Variants in UPK3B observed in about 807,000 individuals in gnomAD.
The protein encoded by UPK3B is uroplakin-3b.
UPK3B carries 21 observed loss-of-function variants against 27.6 expected under a neutral mutation model. The observed-to-expected ratio is 0.76, with a 90% CI of 0.54 to 1.10. The LOEUF (loss-of-function observed/expected upper bound fraction) is 1.10, where lower values mean the gene tolerates loss of function less well. Among genes scored for constraint, UPK3B ranks in the 50% least tolerant of loss-of-function variants. The probability of loss-of-function intolerance (pLI) is 0.00; values close to 1 mark genes in which losing one functional copy is unlikely to be tolerated. For missense variants in UPK3B, 306 were observed against 376.1 expected, an observed-to-expected ratio of 0.81 and a Z score of 1.54; for synonymous variants, 141 against 162.3, an observed-to-expected ratio of 0.87 and a Z score of 1.00.
At position 76,511,678 on chromosome 7, in the gene UPK3B, C is replaced by G. The variant is rs373543744; in HGVS notation, c.257C>G (p.Pro86Arg). 4 of 1,601,158 alleles carry G rather than the reference C, an allele frequency of 2.5e-6. No homozygotes were observed. Among genetic ancestry groups the G allele is most frequent in the East Asian group, 2.2e-5 (1 of 44,492 alleles). ...GCAGCCTCCAGGGGCTTCCAGAACC[C>G]GGAGACACTGGCTGACATTCCGGCC... Reference protein sequence around the residue: ...FSNASRGFQNPETLADIPASP... With the variant: ...FSNASRGFQNRETLADIPASP... The change falls in exon 3 of 6, where the codon CCG becomes CGG. Residue 86 changes from proline (P) to arginine (R), a missense_variant. Physicochemically the swap from Pro to Arg is moderately radical, Grantham distance 103 (BLOSUM62 -2). Transcript: ENST00000334348.
rs1263057422 is a variant in UPK3B at position 76,516,173 on chromosome 7, C to A, written c.*969C>A. On this transcript the variant is annotated 3_prime_UTR_variant, in exon 6 of 6. Transcript: ENST00000334348. The stretch of plus-strand genomic sequence containing the variant: ...GCATGCTCGCTGCTATTCGCTGCCC[C>A]TTCTGCCTCCGAGGCGGTAGCAGAT... The A allele has an allele frequency of 2.8e-5, 17 of 611,936 alleles. 6 individuals carry two copies. The highest frequency in any genetic ancestry group is 2.8e-5 in the Non-Finnish European group (15 of 529,938). The allele number at this position is 611,936 out of a possible 1,614,324, so 37.9% of individuals were successfully genotyped here.
At chr7:76,513,806 G>A in intron 4 of UPK3B, 141 bp from the exon 5 acceptor site, 3 of 1,238,630 alleles carry the variant, frequency 2.4e-6, no homozygotes, top group Admixed American at 4.1e-5. Context: ...GACGGGGGGT[G>A]GGATCAGGGG....
At chr7:76,510,764 T>C (rs1411804492) in intron 1 of UPK3B, 27 bp downstream of exon 1, 2 of 1,562,396 alleles carry the variant, frequency 1.3e-6, no homozygotes, top group East Asian at 4.5e-5. Context: ...GATGGACGCG[T>C]CCAGCCAGAC....
rs762261206 is a variant in UPK3B, at chr7:76,514,009, A to G, written c.604A>G (p.Thr202Ala). The change falls in exon 5 of 6, where the codon ACC (threonine) becomes GCC (alanine). Residue 202 changes from threonine to alanine, a missense_variant. Thr to Ala is a moderately conservative substitution (Grantham distance 58). Coordinates refer to ENST00000334348, the MANE Select transcript of UPK3B (RefSeq NM_001347684.2). Reference sequence around the variant, plus strand: ...GCGAAGTGGCAGCATGATCGTCATTACCTCCATCCTCTCTTCTCTGGCCGG... The same window carrying G: ...GCGAAGTGGCAGCATGATCGTCATTGCCTCCATCCTCTCTTCTCTGGCCGG... Reference protein sequence around the residue: ...GRRSGSMIVITSILSSLAGLL... With the variant: ...GRRSGSMIVIASILSSLAGLL... The G allele has an allele frequency of 2.5e-6, 4 of 1,613,458 alleles. No homozygotes were observed. The highest frequency in any genetic ancestry group is 2.7e-5 in the African/African-American group (2 of 74,796).
At position 76,511,675 on chromosome 7, in the gene UPK3B, A is replaced by AC; in HGVS notation, c.257dup (p.Glu87GlyfsTer5). The AC allele has an allele frequency of 6.3e-7, 1 of 1,597,892 alleles. No individual in the cohort carries two copies. Among genetic ancestry groups the AC allele is most frequent in the Non-Finnish European group, 8.5e-7 (1 of 1,172,668 alleles). On this transcript the variant is annotated frameshift_variant, in exon 3 of 6. Coordinates refer to ENST00000334348, the MANE Select transcript of UPK3B (RefSeq NM_001347684.2). LOFTEE classifies it high-confidence loss of function. Reference sequence around the variant, plus strand: ...CCTGCAGCCTCCAGGGGCTTCCAGAACCCGGAGACACTGGCTGACATTCCG... The same window carrying AC: ...CCTGCAGCCTCCAGGGGCTTCCAGAACCCCGGAGACACTGGCTGACATTCCG...
Position 76,514,167 on chromosome 7 carries a change from TG to T in UPK3B, c.671+95del, listed in dbSNP as rs1812646975. On this transcript the variant is annotated intron_variant, in intron 5 of 5. Transcript: ENST00000334348. ...GTCTGGAAGCCCTCCAGGCATGCCA[TG>T]GGGTTTATTTTATTTTTGGTAGAGA... is the stretch of plus-strand genomic sequence containing the variant. 3.2e-6 allele frequency: 5 copies of T among 1,580,152 alleles called. No homozygotes were observed. The African/African-American group carries it at 6.7e-5, about 21-fold the overall frequency.
chr7:76,513,244 T>G, intron 4 of UPK3B, 81 bp downstream of exon 4: 1 of 1,329,010 alleles, frequency 7.5e-7, no homozygotes, highest in South Asian at 1.2e-5. Context: ...GCCACACCCC[T>G]GCTCCCACAG....
chr7:76,513,578 G>A (rs777003076), intron 4 of UPK3B, among the ~76,000 whole-genome samples: 46 of 152,134 alleles, frequency 3.0e-4, no homozygotes, highest in Non-Finnish European at 5.7e-4. Context: ...CGAGTGCCAC[G>A]GCCCAGGTGT....
rs1357711589 is a variant in UPK3B, at chr7:76,515,028, C to T, written c.672-17C>T. ...TGGCAGGGACATATGTCTCTTCCTC[C>T]TCCTCTCCCCGCCCAGCTCCAGCCT... On this transcript the variant is annotated splice_polypyrimidine_tract_variant and intron_variant, in intron 5 of 5. Transcript: ENST00000334348. 2 of 1,559,174 alleles carry T rather than the reference C, an allele frequency of 1.3e-6. No individual in the cohort carries two copies. Among genetic ancestry groups the T allele is most frequent in the Non-Finnish European group, 1.7e-6 (2 of 1,152,012 alleles).
intron 5 of UPK3B, among the ~76,000 whole-genome samples, chr7:76,514,300 C>T (rs1485571235): frequency 2.6e-5 from 4 of 152,162 alleles, no homozygotes; most frequent in African/African-American, 4.8e-5. Flanking sequence ...GCCACCTTGC[C>T]GAGCCCCGTG....
chr7:76,514,641 C>T (rs1812664143), intron 5 of UPK3B, among the ~76,000 whole-genome samples: 1 of 152,114 alleles, frequency 6.6e-6, no homozygotes, highest in African/African-American at 2.4e-5. Flanking sequence ...TGCAGTGGCA[C>T]ATGCCTGTAA....
rs2116676114 is a variant in UPK3B at position 76,511,572 on chromosome 7, G to T, written c.236-85G>T. On this transcript the variant is annotated intron_variant, in intron 2 of 5. Coordinates refer to ENST00000334348, the MANE Select transcript of UPK3B (RefSeq NM_001347684.2). ...GAGGTGGCATGGGGGGTCAGGGCTG[G>T]AGACTGGGCGAACACAGAACCCCCA... is the stretch of plus-strand genomic sequence containing the variant. The T allele has an allele frequency of 2.2e-6, 3 of 1,371,648 alleles. No homozygotes were observed. In the East Asian group the frequency reaches 7.4e-5, roughly 34 times the overall value. 85.0% of individuals were successfully genotyped at this position (1,371,648 alleles called of 1,614,324 possible). A position where few individuals can be genotyped will look rare whatever the true frequency, so the allele number is the denominator to read the frequency against.
intron 4 of UPK3B, 134 bp downstream of exon 4, chr7:76,513,297 C>T: frequency 1.2e-6 from 1 of 822,404 alleles, no homozygotes; most frequent in Non-Finnish European, 1.9e-6. Context: ...GCCCAGCCCC[C>T]AACAGAACCT....
intron 5 of UPK3B, 144 bp downstream of exon 5, chr7:76,514,220 G>A (rs1450857887): frequency 7.6e-6 from 10 of 1,314,960 alleles, no homozygotes; most frequent in Non-Finnish European, 1.1e-5. Flanking sequence ...TGCCCAGGCT[G>A]GTCTGGAACT....
Position 76,511,711 on chromosome 7 carries a change from A to C in UPK3B, c.290A>C (p.Gln97Pro). Reference sequence around the variant, plus strand: ...CTGGCTGACATTCCGGCCTCCCCACAGCTGCTGACCGATGGCCACTACATG... The same window carrying C: ...CTGGCTGACATTCCGGCCTCCCCACCGCTGCTGACCGATGGCCACTACATG... Reference protein sequence around the residue: ...ETLADIPASPQLLTDGHYMTL... With the variant: ...ETLADIPASPPLLTDGHYMTL... Residue 97 changes from glutamine (Q) to proline (P), a missense_variant, in exon 3 of 6, where the codon CAG becomes CCG. Transcript: ENST00000334348. 1 of 1,610,784 alleles carries C rather than the reference A, an allele frequency of 6.2e-7. No homozygotes were observed. Among genetic ancestry groups the C allele is most frequent in the Non-Finnish European group, 8.5e-7 (1 of 1,178,966 alleles).
Position 76,515,163 on chromosome 7 carries a change from T to C in UPK3B, c.790T>C (p.Cys264Arg). The C allele has an allele frequency of 6.3e-7, 1 of 1,597,094 alleles. No homozygotes were observed. The highest frequency in any genetic ancestry group is 8.5e-7 in the Non-Finnish European group (1 of 1,172,496). The change falls in exon 6 of 6, where the codon TGC (cysteine) becomes CGC (arginine). Residue 264 changes from cysteine (C) to arginine (R), a missense_variant. Cys to Arg is a radical substitution (Grantham distance 180, BLOSUM62 -3). This residue lies in a region of UPK3B where 174 missense variants were observed against 166.6 expected (regional missense o/e 1.04). Transcript: ENST00000334348. ...PREAATLPVG[C>R]KPGLDPLPSL... is the part of the protein sequence containing the mutation. ...AGAGGCCGCCACACTGCCGGTGGGC[T>C]GCAAGCCTGGCCTGGACCCCCTCCC...
In UPK3B at chr7:76,515,209, G is replaced by T. The variant is rs776832635; in HGVS notation, c.*5G>T. 1.8e-5 allele frequency: 28 copies of T among 1,592,774 alleles called. No individual in the cohort carries two copies. In the African/African-American group the frequency reaches 3.6e-4, roughly 21 times the overall value. Reference sequence around the variant, plus strand: ...CTCCCCAGCCTCAGCCCCTAGCCTGGCCTCTTTGCATGGGGCTGGGGGAGA... The same window carrying T: ...CTCCCCAGCCTCAGCCCCTAGCCTGTCCTCTTTGCATGGGGCTGGGGGAGA... On this transcript the variant is annotated 3_prime_UTR_variant, in exon 6 of 6. Coordinates refer to ENST00000334348, the MANE Select transcript of UPK3B (RefSeq NM_001347684.2).
rs1812643070 is a variant in UPK3B, at chr7:76,514,092, C to T, written c.671+16C>T. 1 of 1,613,972 alleles carries T rather than the reference C, an allele frequency of 6.2e-7. No homozygotes were observed. The highest frequency in any genetic ancestry group is 8.5e-7 in the Non-Finnish European group (1 of 1,179,918). ...CCATGCGCTTGTGAGTGGGGACACCCCCTCGGGCCCCTCTCCCACCCAGAA... is the reference window on the plus strand; with the variant it reads ...CCATGCGCTTGTGAGTGGGGACACCTCCTCGGGCCCCTCTCCCACCCAGAA... On this transcript the variant is annotated intron_variant, in intron 5 of 5. Transcript: ENST00000334348.
rs556987070 is a variant in UPK3B, at chr7:76,513,957, C to T, written c.552C>T (p.Pro184=). The change falls in exon 5 of 6, where the codon CCC becomes CCT. Residue 184 remains proline (P), a synonymous_variant. Coordinates refer to ENST00000334348, the MANE Select transcript of UPK3B (RefSeq NM_001347684.2). ...DPITLHQGKT[P]GSIDTWPGRR... is the part of the protein sequence containing the mutation. ...CTGGTGTGTGTGCAGGGAAGACCCC[C>T]GGATCCATCGACACCTGGCCAGGGC... is the stretch of plus-strand genomic sequence containing the variant. The T allele has an allele frequency of 6.4e-5, 104 of 1,613,700 alleles. No individual in the cohort carries two copies. The highest frequency in any genetic ancestry group is 3.0e-4 in the South Asian group (27 of 91,076).
Sources: gnomAD v4.1 joint callset for allele counts (sites outside exome capture counted in the v4.1 genomes callset) on GRCh38, gnomAD v4.1.1 for gene constraint, gnomAD v4.1.1 regional missense constraint, MANE v1.5 for transcripts, NCBI Gene and HGNC (gene_info 2026-07-23, HGNC 2026-07-21) for gene names.